Variants in NIBAN2 observed in about 807,000 individuals in gnomAD.
The protein encoded by NIBAN2 is protein Niban 2.
Under a neutral mutation model 81.8 loss-of-function variants are expected in NIBAN2, and 36 were observed. That is an observed-to-expected ratio of 0.44 (90% confidence interval 0.34 to 0.58). The LOEUF is 0.58. Ranked by LOEUF, NIBAN2 falls within the 20% of genes least tolerant of loss-of-function variation. The pLI is 0.02. For missense variants in NIBAN2, 897 were observed against 1,014.1 expected (o/e 0.88, Z 1.57); for synonymous variants, 445 against 441.6 (o/e 1.01, Z -0.10).
intron 1 of NIBAN2, among the ~76,000 whole-genome samples, chr9:127,564,950 A>C (rs1441853687): frequency 1.3e-5 from 2 of 152,106 alleles, no homozygotes; most frequent in African/African-American, 4.8e-5. Flanking sequence ...GTGACACACC[A>C]CACTTAAGTG....
At chr9:127,554,817 C>A (rs1837639675) in intron 1 of NIBAN2, among the ~76,000 whole-genome samples, 1 of 151,964 alleles carries the variant, frequency 6.6e-6, no homozygotes, top group Non-Finnish European at 1.5e-5. Flanking sequence ...GATCTGCCCA[C>A]CTCAGCCTCC....
chr9:127,569,234 C>A (rs1246296271), upstream of NIBAN2: 3 of 367,704 alleles, frequency 8.2e-6, no homozygotes, highest in African/African-American at 7.0e-5. Context: ...CACCCCCCTG[C>A]GCCCCACCCA....
chr9:127,521,747 C>G (rs1172605958), intron 5 of NIBAN2, among the ~76,000 whole-genome samples: 1 of 152,188 alleles, frequency 6.6e-6, no homozygotes, highest in Non-Finnish European at 1.5e-5. Context: ...ACAGGACACC[C>G]CTTCATTCCC....
chr9:127,568,716 T>A (rs1203211209), intron 1 of NIBAN2, 104 bp downstream of exon 1: 10 of 1,043,174 alleles, frequency 9.6e-6, no homozygotes, highest in African/African-American at 3.4e-5. Context: ...CCGGCCTGAC[T>A]CCCCCGAGCC....
chr9:127,566,124 C>T (rs2132240069), intron 1 of NIBAN2, among the ~76,000 whole-genome samples: 1 of 151,796 alleles, frequency 6.6e-6, no homozygotes, highest in Middle Eastern at 3.4e-3. Context: ...AGAGCAAGAC[C>T]TTGTCTCAAA....
At chr9:127,562,057 G>A (rs1310868239) in intron 1 of NIBAN2, among the ~76,000 whole-genome samples, 1 of 152,178 alleles carries the variant, frequency 6.6e-6, no homozygotes, top group East Asian at 1.9e-4. Context: ...GGAAGGAGGA[G>A]GGGGGCGCAG....
At chr9:127,509,237 G>T in intron 9 of NIBAN2, 106 bp from the exon 10 acceptor site, 1 of 1,150,924 alleles carries the variant, frequency 8.7e-7, no homozygotes. Context: ...TGGGGCTGGC[G>T]CCTGCTACCA....
At chr9:127,544,291 A>C (rs1588175258) in intron 1 of NIBAN2, among the ~76,000 whole-genome samples, 1 of 151,944 alleles carries the variant, frequency 6.6e-6, no homozygotes, top group African/African-American at 2.4e-5. Flanking sequence ...CAAGAAGCAA[A>C]CCCTGAGCTC....
Position 127,507,509 on chromosome 9 carries a change from G to T in NIBAN2, c.1655-78C>A. ...CCTGTGCTGGACTCTGCTCAAAGAA[G>T]ACCCGTCTCATCCCGCCTTGGGGGT... On this transcript the variant is annotated intron_variant, in intron 13 of 13. Transcript: ENST00000373312. This position sits in a 1 kb window ranked among gnomAD's most constrained non-coding sequence, Gnocchi z 6.8. 1 of 1,234,594 alleles carries T rather than the reference G, an allele frequency of 8.1e-7. No homozygotes were observed. The highest frequency in any genetic ancestry group is 1.1e-6 in the Non-Finnish European group (1 of 906,878). 76.5% of individuals were successfully genotyped at this position (1,234,594 alleles called of 1,614,324 possible).
chr9:127,549,311 C>T (rs1279720015), intron 1 of NIBAN2, among the ~76,000 whole-genome samples: 4 of 152,216 alleles, frequency 2.6e-5, no homozygotes. Flanking sequence ...CATTCACACA[C>T]ACGTGTATGC....
At chr9:127,575,230 C>CTTTTT (rs11309796) in intron 1 of NIBAN2, among the ~76,000 whole-genome samples, 2 of 122,558 alleles carry the variant, frequency 1.6e-5, no homozygotes, top group African/African-American at 6.3e-5. Flanking sequence ...AATATGGATT[C>CTTTTT]TTTTTTTTTT....
chr9:127,570,791 G>A (rs1025849390), upstream of NIBAN2, among the ~76,000 whole-genome samples: 3 of 152,224 alleles, frequency 2.0e-5, no homozygotes, highest in African/African-American at 4.8e-5. Flanking sequence ...GCATTCATGC[G>A]TCAAAGAGTC....
At position 127,508,449 on chromosome 9, in the gene NIBAN2, G is replaced by A; in HGVS notation, c.1407C>T (p.Ile469=). ...TCAGCACCCGCTCCAGGACCCGCTG[G>A]ATGGACTTGCACAGCTCCTCCTTGG... The part of the protein sequence containing the change: ...GPTKEELCKS[I]QRVLERVLKK... The change falls in exon 11 of 14, where the codon ATC becomes ATT. Residue 469 remains isoleucine, a synonymous_variant. Coordinates refer to ENST00000373312, the MANE Select transcript of NIBAN2 (RefSeq NM_022833.4). The surrounding 1 kb of genome is among the most constrained non-coding windows in gnomAD (Gnocchi z 6.4). 1 of 1,613,098 alleles carries A rather than the reference G, an allele frequency of 6.2e-7. No homozygotes were observed. The highest frequency in any genetic ancestry group is 8.5e-7 in the Non-Finnish European group (1 of 1,179,962).
At chr9:127,562,976 C>T (rs970179282) in intron 1 of NIBAN2, among the ~76,000 whole-genome samples, 1 of 152,120 alleles carries the variant, frequency 6.6e-6, no homozygotes, top group Admixed American at 6.5e-5. Flanking sequence ...GTGTAATGAT[C>T]GACACAGATG....
intron 1 of NIBAN2, among the ~76,000 whole-genome samples, chr9:127,543,540 A>G (rs1837419577): frequency 6.6e-6 from 1 of 152,170 alleles, no homozygotes; most frequent in Non-Finnish European, 1.5e-5. Context: ...CCAAGAGACT[A>G]TGGACTAACT....
chr9:127,548,216 T>C (rs1837509665), intron 1 of NIBAN2, among the ~76,000 whole-genome samples: 1 of 152,160 alleles, frequency 6.6e-6, no homozygotes, highest in Non-Finnish European at 1.5e-5. Context: ...ATCTCTCAGG[T>C]TAATTCATCA....
chr9:127,529,266 C>T (rs537278198), intron 2 of NIBAN2, among the ~76,000 whole-genome samples: 2 of 152,370 alleles, frequency 1.3e-5, no homozygotes, highest in East Asian at 3.9e-4. Context: ...TCAATGTCTA[C>T]ATCTGTGATG....
At chr9:127,564,857 G>C (rs1437810792) in intron 1 of NIBAN2, among the ~76,000 whole-genome samples, 1 of 141,092 alleles carries the variant, frequency 7.1e-6, no homozygotes, top group Admixed American at 7.1e-5. Context: ...TGAGTGAGAC[G>C]CCATCTCAAA....
At chr9:127,568,787 C>T in intron 1 of NIBAN2, 33 bp downstream of exon 1, 1 of 1,286,002 alleles carries the variant, frequency 7.8e-7, no homozygotes, top group Non-Finnish European at 9.8e-7. Context: ...TCCGGCAGGC[C>T]CCTGGGCGCG....
Sources: gnomAD v4.1 joint callset for allele counts (sites outside exome capture counted in the v4.1 genomes callset) on GRCh38, gnomAD v4.1.1 for gene constraint, Gnocchi (gnomAD v3.1) non-coding constraint, MANE v1.5 for transcripts, NCBI Gene and HGNC (gene_info 2026-07-23, HGNC 2026-07-21) for gene names.